The following PHEX variants were observed in gnomAD, a reference collection of about 807,000 sequenced individuals.
The protein encoded by PHEX is phosphate regulating endopeptidase X-linked.
A neutral mutation model predicts 68.0 loss-of-function variants in PHEX; 16 were observed. That is an observed-to-expected ratio of 0.24 (90% confidence interval 0.16 to 0.36). The LOEUF (loss-of-function observed/expected upper bound fraction) is 0.36. PHEX is among the 10% of genes least tolerant of loss of function. The pLI is 1.00. For synonymous variants in PHEX, 208 were observed against 205.1 expected (o/e 1.01, Z -0.12); for missense variants, 480 against 575.5 (o/e 0.83, Z 1.70).
chrX:22,035,192 C>G (rs1926953931), intron 1 of PHEX, among the ~76,000 whole-genome samples: 1 of 111,778 alleles, frequency 8.9e-6, no homozygotes, highest in African/African-American at 3.3e-5. Flanking sequence ...GGGATAATCT[C>G]TCCTCGCAAC....
chrX:22,186,180 C>T (rs1356013221), intron 14 of PHEX, among the ~76,000 whole-genome samples: 1 of 111,846 alleles, frequency 8.9e-6, no homozygotes, highest in Non-Finnish European at 1.9e-5. Context: ...CATATGGCCT[C>T]TTCATGTATG....
intron 8 of PHEX, chrX:22,097,882 CT>C: frequency 5.6e-6 from 1 of 179,771 alleles, no homozygotes; most frequent in Non-Finnish European, 9.3e-6. Flanking sequence ...ATTCTCCTGC[CT>C]TAGCCTCTCG....
intron 20 of PHEX, among the ~76,000 whole-genome samples, chrX:22,234,674 T>A (rs1478179896): frequency 9.0e-6 from 1 of 110,552 alleles, no homozygotes; most frequent in African/African-American, 3.3e-5. Context: ...GCAGCGAGAA[T>A]TTCAAGCCAG....
intron 11 of PHEX, among the ~76,000 whole-genome samples, chrX:22,126,751 G>T (rs112165448): frequency 0.013 from 1,434 of 109,978 alleles, 21 homozygotes; most frequent in African/African-American, 0.045. Flanking sequence ...GAATGAAAAA[G>T]GAAGAACCTA....
chrX:22,081,503 G>T (rs1407256910), intron 5 of PHEX, among the ~76,000 whole-genome samples: 4 of 111,891 alleles, frequency 3.6e-5, no homozygotes, highest in Non-Finnish European at 7.5e-5. Flanking sequence ...TCTTCGGTGT[G>T]CTTAGCTTTT....
chrX:22,198,854 T>C (rs1244046835), intron 15 of PHEX, among the ~76,000 whole-genome samples: 1 of 111,612 alleles, frequency 9.0e-6, no homozygotes, highest in Non-Finnish European at 1.9e-5. Flanking sequence ...GGGTAATTTA[T>C]AAAGGAAAGA....
chrX:22,155,401 G>A (rs1167660340), intron 12 of PHEX, among the ~76,000 whole-genome samples: 1 of 112,165 alleles, frequency 8.9e-6, no homozygotes, highest in African/African-American at 3.2e-5. Context: ...GTTTATCTAG[G>A]TTAATCTCCA....
chrX:22,038,457 CTG>C lies in PHEX; in HGVS notation c.119-10_119-9del, dbSNP rs772892902. On this transcript the variant is annotated splice_polypyrimidine_tract_variant and intron_variant, in intron 1 of 21. Transcript: ENST00000379374. ...CTACAACTCAGCCATTTATTGTGGT[CTG>C]TTTTTTCAGTGAGTCAAGGTCTCTT... The C allele has an allele frequency of 1.0e-5, 12 of 1,163,297 alleles. No homozygotes were observed. Among genetic ancestry groups the C allele is most frequent in the Non-Finnish European group, 1.3e-5 (11 of 851,679 alleles).
At chrX:22,201,582 C>T (rs1262802197) in intron 15 of PHEX, among the ~76,000 whole-genome samples, 1 of 111,267 alleles carries the variant, frequency 9.0e-6, no homozygotes, top group African/African-American at 3.3e-5. Context: ...ACCAAGGAGG[C>T]ACCTGAGAAT....
At chrX:22,110,348 T>A (rs1472104496) in intron 9 of PHEX, among the ~76,000 whole-genome samples, 1 of 112,622 alleles carries the variant, frequency 8.9e-6, no homozygotes, top group African/African-American at 3.2e-5. Context: ...ATGTGAGCTA[T>A]GCGTACATTT....
At chrX:22,131,934 A>G (rs909734387) in intron 11 of PHEX, among the ~76,000 whole-genome samples, 1 of 111,264 alleles carries the variant, frequency 9.0e-6, no homozygotes, top group African/African-American at 3.3e-5. Context: ...GTGACGTGTC[A>G]GTAGCCCCTT....
chrX:22,212,073 T>G (rs957282455), intron 15 of PHEX, among the ~76,000 whole-genome samples: 1 of 111,667 alleles, frequency 9.0e-6, no homozygotes, highest in African/African-American at 3.3e-5. Context: ...TTTTCTGTCA[T>G]CGTTTTCAGT....
Position 22,238,864 on chromosome X carries a change from G to A in PHEX, c.2071-6469G>A, listed in dbSNP as rs5951519. ...GTCCCTGCCTGACAGCCAGCACAGC[G>A]GTCGAGCTCTGCTAAGGGTCAGACT... On this transcript the variant is annotated intron_variant, in intron 20 of 21. Coordinates refer to ENST00000379374, the MANE Select transcript of PHEX (RefSeq NM_000444.6). Among the ~76,000 whole-genome samples the A allele has an allele frequency of 0.017, 1,935 of 111,862 alleles. 56 individuals carry two copies. The East Asian group carries it at 0.2, about 12-fold the overall frequency.
At chrX:22,220,667 A>C (rs1461237940) in intron 17 of PHEX, among the ~76,000 whole-genome samples, 2 of 112,268 alleles carry the variant, frequency 1.8e-5, no homozygotes, top group Non-Finnish European at 3.8e-5. Context: ...CATTGCACAT[A>C]TAAGTACATG....
At chrX:22,234,579 C>T (rs1411862406) in intron 20 of PHEX, among the ~76,000 whole-genome samples, 4 of 110,208 alleles carry the variant, frequency 3.6e-5, no homozygotes, top group Non-Finnish European at 7.6e-5. Flanking sequence ...GGTAAAACCA[C>T]CTACTGAAGC....
At chrX:22,049,840 G>A (rs1927731042) in intron 3 of PHEX, among the ~76,000 whole-genome samples, 1 of 110,502 alleles carries the variant, frequency 9.0e-6, no homozygotes, top group Admixed American at 9.6e-5. Flanking sequence ...TCCAGCCGGG[G>A]CAACAAGAAT....
intron 14 of PHEX, among the ~76,000 whole-genome samples, chrX:22,182,723 G>A: frequency 9.1e-6 from 1 of 110,097 alleles, no homozygotes; most frequent in East Asian, 2.9e-4. Flanking sequence ...ATTTTTATCT[G>A]ACAAAGCTGT....
chrX:22,075,876 T>C (rs1181242317), intron 3 of PHEX, among the ~76,000 whole-genome samples: 1 of 111,660 alleles, frequency 9.0e-6, no homozygotes, highest in Non-Finnish European at 1.9e-5. Context: ...AAGAACTTCT[T>C]CCATGTCCAC....
chrX:22,175,713 ATT>A (rs764192873), intron 13 of PHEX, among the ~76,000 whole-genome samples: 1 of 106,660 alleles, frequency 9.4e-6, no homozygotes, highest in African/African-American at 3.4e-5. Context: ...ATATCAAGGG[ATT>A]TTTTTTTTTC....
Sources: allele counts gnomAD v4.1 joint callset (sites outside exome capture counted in the v4.1 genomes callset), GRCh38; gene constraint gnomAD v4.1.1; transcripts MANE v1.5; gene names NCBI Gene and HGNC (gene_info 2026-07-23, HGNC 2026-07-21).